The following RYK variants were observed in gnomAD, a reference collection of about 807,000 sequenced individuals.
The protein encoded by RYK is inactive tyrosine-protein kinase RYK.
In RYK, 21 loss-of-function variants were observed where a neutral mutation model predicts 70.2. The ratio of observed to expected loss-of-function variants is 0.30; its 90% confidence interval spans 0.21 to 0.43. The LOEUF is 0.43. Ranked by LOEUF, RYK falls within the 20% of genes least tolerant of loss-of-function variation. The pLI, the probability that RYK is intolerant of heterozygous loss-of-function variation, is 1.00. For synonymous variants in RYK, 267 were observed against 278.0 expected (o/e 0.96, Z 0.39); for missense variants, 604 against 753.3 (o/e 0.80, Z 2.32).
At chr3:134,232,188 T>C (rs1352069504) in intron 1 of RYK, among the ~76,000 whole-genome samples, 3 of 152,202 alleles carry the variant, frequency 2.0e-5, no homozygotes, top group Non-Finnish European at 4.4e-5. Flanking sequence ...CCCATTCTAT[T>C]GTACCAATCA....
chr3:134,171,730 G>A (rs2012917683), intron 13 of RYK, among the ~76,000 whole-genome samples: 1 of 152,052 alleles, frequency 6.6e-6, no homozygotes, highest in Admixed American at 6.6e-5. Flanking sequence ...AGCCACGTGT[G>A]GTGGCACACA....
intron 6 of RYK, chr3:134,195,393 C>T (rs796369425): frequency 9.7e-5 from 42 of 434,910 alleles, no homozygotes; most frequent in African/African-American, 6.7e-4. Flanking sequence ...AATCATTAAG[C>T]GAGTTCATCT....
In RYK at chr3:134,165,745, G is replaced by A. The variant is rs369352205; in HGVS notation, c.1576-6372C>T. Among the ~76,000 whole-genome samples the A allele has an allele frequency of 1.8e-4, 28 of 152,246 alleles. No individual in the cohort carries two copies. In the South Asian group the frequency reaches 3.9e-3, roughly 21 times the overall value. ...TCCTAAGGTTTAATATTGTTTGTTC[G>A]GTTAGGTTTTCAACTTATTTTAGAT... On this transcript the variant is annotated intron_variant, in intron 13 of 14. Coordinates refer to ENST00000623711, the MANE Select transcript of RYK (RefSeq NM_002958.4).
intron 13 of RYK, among the ~76,000 whole-genome samples, chr3:134,175,131 T>A (rs923884835): frequency 6.6e-6 from 1 of 151,658 alleles, no homozygotes; most frequent in Non-Finnish European, 1.5e-5. Flanking sequence ...AGGTCAGGAG[T>A]TCAAGACCAG....
intron 13 of RYK, among the ~76,000 whole-genome samples, chr3:134,173,155 C>T (rs1198030900): frequency 2.0e-5 from 3 of 152,022 alleles, no homozygotes; most frequent in Non-Finnish European, 4.4e-5. Context: ...GTGGTGCGCG[C>T]CTATAGTCCC....
chr3:134,159,401 G>A (rs2012372777), intron 13 of RYK, 28 bp from the exon 14 acceptor site: 1 of 1,555,378 alleles, frequency 6.4e-7, no homozygotes, highest in Non-Finnish European at 8.7e-7. Flanking sequence ...GCACAATGAG[G>A]GGACATTTAA....
At chr3:134,249,879 C>T (rs1208530158) in intron 1 of RYK, among the ~76,000 whole-genome samples, 2 of 144,964 alleles carry the variant, frequency 1.4e-5, no homozygotes, top group Non-Finnish European at 3.0e-5. Context: ...CTGCCACGAA[C>T]ATTTGGTGCC....
At position 134,160,636 on chromosome 3, in the gene RYK, T is replaced by A. The variant is rs576158683; in HGVS notation, c.1576-1263A>T. On this transcript the variant is annotated intron_variant, in intron 13 of 14. Coordinates refer to ENST00000623711, the MANE Select transcript of RYK (RefSeq NM_002958.4). ...TAATCCCAGCACTTTGGGAGGATTA[T>A]CTGAGGTCAGGAGTTCAAGATCAGC... Among the ~76,000 whole-genome samples the A allele has an allele frequency of 2.0e-5, 3 of 152,226 alleles. No homozygotes were observed. In the South Asian group the frequency reaches 6.2e-4, roughly 32 times the overall value.
chr3:134,247,371 G>A (rs552940638), intron 1 of RYK, among the ~76,000 whole-genome samples: 77 of 152,186 alleles, frequency 5.1e-4, no homozygotes, highest in Non-Finnish European at 8.8e-4. Flanking sequence ...AGAGCCTGAG[G>A]GATAAAAAAG....
At chr3:134,195,041 C>T (rs1006587719) in intron 7 of RYK, 41 bp downstream of exon 7, 6 of 1,390,826 alleles carry the variant, frequency 4.3e-6, no homozygotes, top group Non-Finnish European at 4.1e-6. Context: ...GCAGCATAGA[C>T]AACTTGAGTA....
chr3:134,208,924 T>A (rs556619345), intron 4 of RYK, among the ~76,000 whole-genome samples: 1 of 151,172 alleles, frequency 6.6e-6, no homozygotes, highest in Admixed American at 6.6e-5. Context: ...TAAAGTATAT[T>A]TCCCCCCCCC....
intron 1 of RYK, among the ~76,000 whole-genome samples, chr3:134,247,982 C>T (rs2015508537): frequency 6.6e-6 from 1 of 152,192 alleles, no homozygotes. Flanking sequence ...ACCATAACAG[C>T]TTCTGTGAGA....
At chr3:134,175,292 A>G (rs1438047741) in intron 13 of RYK, among the ~76,000 whole-genome samples, 1 of 151,796 alleles carries the variant, frequency 6.6e-6, no homozygotes, top group Non-Finnish European at 1.5e-5. Flanking sequence ...GCAGTGAGCC[A>G]GGATTGCGCC....
At chr3:134,191,769 T>C (rs1042591532) in intron 8 of RYK, 80 bp downstream of exon 8, 23 of 1,153,232 alleles carry the variant, frequency 2.0e-5, no homozygotes, top group Middle Eastern at 2.5e-4. Flanking sequence ...TGAGATGAAA[T>C]TTTTTAAATT....
At chr3:134,161,140 A>C (rs951863623) in intron 13 of RYK, among the ~76,000 whole-genome samples, 7 of 152,224 alleles carry the variant, frequency 4.6e-5, no homozygotes, top group Non-Finnish European at 1.0e-4. Context: ...TTTAAAGCAA[A>C]AACAGCTAAC....
intron 7 of RYK, among the ~76,000 whole-genome samples, chr3:134,192,945 G>A (rs902949615): frequency 2.1e-4 from 32 of 152,106 alleles, no homozygotes; most frequent in Non-Finnish European, 4.1e-4. Context: ...TCTGTGATCT[G>A]TTGCGTTGTT....
intron 1 of RYK, among the ~76,000 whole-genome samples, chr3:134,246,684 A>G (rs565361860): frequency 6.6e-5 from 10 of 152,214 alleles, no homozygotes; most frequent in Non-Finnish European, 1.3e-4. Context: ...AACCATCTAT[A>G]AAGTATGAGG....
At chr3:134,194,752 T>C (rs988937698) in intron 7 of RYK, among the ~76,000 whole-genome samples, 5 of 152,230 alleles carry the variant, frequency 3.3e-5, no homozygotes, top group Non-Finnish European at 5.9e-5. Flanking sequence ...TTTATGCAGC[T>C]CAATAGTTAA....
intron 5 of RYK, among the ~76,000 whole-genome samples, chr3:134,205,004 G>C (rs1182416223): frequency 2.0e-5 from 3 of 152,190 alleles, no homozygotes; most frequent in South Asian, 2.1e-4. Flanking sequence ...TGAGAAGTAA[G>C]TGGATTTGGG....
Sources: gnomAD v4.1 joint callset for allele counts (sites outside exome capture counted in the v4.1 genomes callset) on GRCh38, gnomAD v4.1.1 for gene constraint, MANE v1.5 for transcripts, NCBI Gene and HGNC (gene_info 2026-07-23, HGNC 2026-07-21) for gene names.